The following RGS3 variants were observed in gnomAD, a reference collection of about 807,000 sequenced individuals.
RGS3 encodes the protein regulator of G-protein signalling 3.
RGS3 carries 80 observed loss-of-function variants against 132.6 expected under a neutral mutation model. That is an observed-to-expected ratio of 0.60 (90% CI 0.50 to 0.73). The LOEUF (loss-of-function observed/expected upper bound fraction) is 0.73, where lower values mean the gene tolerates loss of function less well. Ranked by LOEUF, RGS3 falls within the 30% of genes least tolerant of loss-of-function variation. The probability of loss-of-function intolerance (pLI) is 0.00; values close to 1 mark genes in which losing one functional copy is unlikely to be tolerated. For synonymous variants in RGS3, 598 were observed against 620.6 expected (o/e 0.96, Z 0.54); for missense variants, 1,382 against 1,530.8 (o/e 0.90, Z 1.62).
intron 10 of RGS3, among the ~76,000 whole-genome samples, chr9:113,504,692 T>C (rs1316029249): frequency 6.6e-6 from 1 of 152,236 alleles, no homozygotes; most frequent in Non-Finnish European, 1.5e-5. Context: ...TCAATAATTG[T>C]GTGCCAGTTT....
intron 3 of RGS3, among the ~76,000 whole-genome samples, chr9:113,475,067 C>G (rs952704981): frequency 3.9e-5 from 6 of 152,170 alleles, no homozygotes; most frequent in African/African-American, 1.4e-4. Context: ...CTGTGCCCAG[C>G]AGAATTTGGG....
intron 19 of RGS3, among the ~76,000 whole-genome samples, chr9:113,550,495 C>T (rs1833296449): frequency 6.6e-6 from 1 of 152,174 alleles, no homozygotes; most frequent in African/African-American, 2.4e-5. Context: ...TGCCAAATTA[C>T]CCTGCAGAAT....
intron 19 of RGS3, among the ~76,000 whole-genome samples, chr9:113,577,550 C>T (rs1269960528): frequency 1.3e-5 from 2 of 152,158 alleles, no homozygotes; most frequent in African/African-American, 4.8e-5. Context: ...GCGGGGAGAT[C>T]ACACATTCAG....
intron 23 of RGS3, chr9:113,595,239 T>C (rs1045702151): frequency 1.2e-5 from 7 of 580,130 alleles, no homozygotes; most frequent in Middle Eastern, 9.2e-4. Flanking sequence ...CTCAGATCCA[T>C]ATTCCCAGAA....
intron 18 of RGS3, among the ~76,000 whole-genome samples, chr9:113,529,947 A>G (rs1391738255): frequency 6.6e-6 from 1 of 152,284 alleles, no homozygotes; most frequent in African/African-American, 2.4e-5. Context: ...GTTTAACCCA[A>G]GAGATCCTTG....
intron 10 of RGS3, 69 bp from the exon 9 acceptor site, chr9:113,505,373 C>A: frequency 2.1e-6 from 3 of 1,425,690 alleles, no homozygotes; most frequent in Non-Finnish European, 3.0e-6. Context: ...GGGCTGTGGG[C>A]TTCCTGACCT....
At chr9:113,544,891 TC>T (rs1359953617) in intron 19 of RGS3, among the ~76,000 whole-genome samples, 8 of 152,332 alleles carry the variant, frequency 5.3e-5, no homozygotes. Context: ...GAGAGGGATA[TC>T]CGGCATGTCA....
At chr9:113,445,416 C>T (rs1829079879) in intron 1 of RGS3, among the ~76,000 whole-genome samples, 1 of 152,160 alleles carries the variant, frequency 6.6e-6, no homozygotes, top group East Asian at 1.9e-4. Context: ...TCAGGCTTGT[C>T]TCGAACTCTG....
exon 18 of RGS3, chr9:113,529,256 C>G (rs1024357156): frequency 3.1e-6 from 5 of 1,613,192 alleles, no homozygotes; most frequent in Non-Finnish European, 4.2e-6. Context: ...CGTGCTCTAT[C>G]TAGCAGAGGT....
chr9:113,587,501 T>C lies in RGS3; in HGVS notation c.3015+3074T>C, dbSNP rs118052982. Reference sequence around the variant, plus strand: ...TTCTCTGAGCTTCGGTTTTCTCTTATTAATGGAACACGGAGTCCCCCGGGA... The same window carrying C: ...TTCTCTGAGCTTCGGTTTTCTCTTACTAATGGAACACGGAGTCCCCCGGGA... On this transcript the variant is annotated intron_variant, in intron 20 of 24. Transcript: ENST00000350696. Among the ~76,000 whole-genome samples the C allele has an allele frequency of 4.6e-3, 697 of 152,292 alleles. 1 individual carries two copies. Among genetic ancestry groups the C allele is most frequent in the South Asian group, 0.018 (88 of 4,826 alleles).
intron 1 of RGS3, among the ~76,000 whole-genome samples, chr9:113,450,235 A>AT (rs773075410): frequency 8.6e-5 from 13 of 150,578 alleles, no homozygotes; most frequent in East Asian, 2.0e-4. Flanking sequence ...TGCCAGCTAA[A>AT]TTTTTTTTTG....
rs1354187632 is a variant in RGS3 at position 113,495,767 on chromosome 9, G to A, written c.690-19G>A. The A allele has an allele frequency of 6.2e-7, 1 of 1,613,110 alleles. No homozygotes were observed. The highest frequency in any genetic ancestry group is 1.7e-5 in the Admixed American group (1 of 60,002). The stretch of plus-strand genomic sequence containing the variant: ...GCCCAGAAAAAAAATGCTGACTCAA[G>A]TCTCACTTGTTCTCCCAGACAGAGT... On this transcript the variant is annotated intron_variant, in intron 7 of 24. Coordinates refer to ENST00000350696, the Ensembl canonical transcript of RGS3.
At chr9:113,574,476 C>A (rs1834423812) in intron 19 of RGS3, among the ~76,000 whole-genome samples, 1 of 152,222 alleles carries the variant, frequency 6.6e-6, no homozygotes, top group African/African-American at 2.4e-5. Context: ...TGCTGTTTGG[C>A]AGCAATAGCC....
intron 20 of RGS3, among the ~76,000 whole-genome samples, chr9:113,586,349 A>T (rs1173533666): frequency 6.6e-6 from 1 of 152,250 alleles, no homozygotes; most frequent in East Asian, 1.9e-4. Flanking sequence ...ATTTATATAC[A>T]GATAAATTCA....
chr9:113,525,646 A>G (rs2119425024), intron 17 of RGS3, among the ~76,000 whole-genome samples: 1 of 152,332 alleles, frequency 6.6e-6, no homozygotes, highest in South Asian at 2.1e-4. Context: ...CAAACAAGGA[A>G]TGCACCCAAC....
intron 10 of RGS3, among the ~76,000 whole-genome samples, chr9:113,504,686 T>C (rs1831054478): frequency 6.6e-6 from 1 of 152,216 alleles, no homozygotes; most frequent in Non-Finnish European, 1.5e-5. Context: ...AGGAGCTCAA[T>C]AATTGTGTGC....
intron 17 of RGS3, among the ~76,000 whole-genome samples, chr9:113,527,503 A>G (rs1456817115): frequency 1.3e-5 from 2 of 152,240 alleles, no homozygotes; most frequent in Non-Finnish European, 1.5e-5. Flanking sequence ...TTTCTTAAAC[A>G]TGATGGACTT....
chr9:113,583,149 G>A, intron 19 of RGS3: 1 of 437,528 alleles, frequency 2.3e-6, no homozygotes, highest in Non-Finnish European at 4.1e-6. Context: ...AGAGAGTGGG[G>A]TCAAGCTGGC....
At position 113,507,279 on chromosome 9, in the gene RGS3, C is replaced by A; in HGVS notation, c.1086-8C>A. 1.3e-6 allele frequency: 2 copies of A among 1,597,664 alleles called. No individual in the cohort carries two copies. Among genetic ancestry groups the A allele is most frequent in the East Asian group, 2.2e-5 (1 of 44,700 alleles). On this transcript the variant is annotated splice_polypyrimidine_tract_variant and splice_region_variant and intron_variant, in intron 12 of 24. Coordinates refer to ENST00000350696, the Ensembl canonical transcript of RGS3. This position sits in a 1 kb window ranked among gnomAD's most constrained non-coding sequence, Gnocchi z 5.0. The stretch of plus-strand genomic sequence containing the variant: ...CTCAACCTGTCTGTGTGATCCCCCA[C>A]CTTCCAGGAGCTGCCCCAGTGAGAT...
Sources: allele counts gnomAD v4.1 joint callset (sites outside exome capture counted in the v4.1 genomes callset), GRCh38; gene constraint gnomAD v4.1.1; non-coding constraint Gnocchi (gnomAD v3.1); transcripts MANE v1.5; gene names NCBI Gene and HGNC (gene_info 2026-07-23, HGNC 2026-07-21).